Variants in PCDHA6 observed in about 807,000 individuals in gnomAD.
PCDHA6 encodes the protein protocadherin alpha 6, also known as protocadherin alpha-6.
PCDHA6 carries 55 observed loss-of-function variants against 60.3 expected under a neutral mutation model. That is an observed-to-expected ratio of 0.91 (90% confidence interval 0.73 to 1.14). The LOEUF is 1.14. Ranked by LOEUF, PCDHA6 falls within the 50% of genes most tolerant of loss-of-function variation. The pLI is 0.00. For synonymous variants in PCDHA6, 652 were observed against 557.9 expected (o/e 1.17, Z -2.38); for missense variants, 1,327 against 1,256.5 (o/e 1.06, Z -0.85).
At chr5:140,852,072 G>A in intron 1 of PCDHA6, 2 of 903,554 alleles carry the variant, frequency 2.2e-6, no homozygotes, top group Non-Finnish European at 2.7e-6. Context: ...TTCTCTTTCA[G>A]CTATTTTATT....
At chr5:140,861,759 C>T (rs2047064113) in intron 1 of PCDHA6, 1 of 93,332 alleles carries the variant, frequency 1.1e-5, no homozygotes, top group Non-Finnish European at 2.2e-5. Context: ...GATTATTTTT[C>T]CCTGGAAATA....
chr5:140,976,383 T>G (rs963492291), intron 1 of PCDHA6, among the ~76,000 whole-genome samples: 4 of 152,058 alleles, frequency 2.6e-5, no homozygotes, highest in African/African-American at 9.7e-5. Context: ...AAACCCCATC[T>G]CTACTAAAAA....
intron 3 of PCDHA6, among the ~76,000 whole-genome samples, chr5:140,989,801 G>A (rs1554251107): frequency 1.3e-5 from 2 of 152,184 alleles, no homozygotes; most frequent in Non-Finnish European, 1.5e-5. Context: ...CCCAGGAAAG[G>A]GCCATAAGAT....
Position 140,876,213 on chromosome 5 carries a change from T to G in PCDHA6, c.2394+45728T>G, listed in dbSNP as rs782372222. On this transcript the variant is annotated intron_variant, in intron 1 of 3. Transcript: ENST00000529310. ...GTCCGGCGTTTGATAAGCCCAGCTA[T>G]AAAGTAGTGTTGTCTGAAAATGTCC... The G allele has an allele frequency of 3.1e-6, 5 of 1,613,846 alleles. No individual in the cohort carries two copies. The East Asian group carries it at 1.1e-4, about 36-fold the overall frequency.
chr5:140,885,920 C>T (rs1554182299), intron 1 of PCDHA6, among the ~76,000 whole-genome samples: 1 of 151,998 alleles, frequency 6.6e-6, no homozygotes, highest in East Asian at 1.9e-4. Context: ...TAGATATTAA[C>T]TGTTTATCTA....
rs1193059751 is a variant in PCDHA6 at position 140,857,644 on chromosome 5, C to G, written c.2394+27159C>G. ...ACGAGGAGCTGGAGCTGCTACAGTT[C>G]CAGGTGAGCGCGCGCGATGGGGGCG... On this transcript the variant is annotated intron_variant, in intron 1 of 3. Coordinates refer to ENST00000529310, the MANE Select transcript of PCDHA6 (RefSeq NM_018909.4). 9 of 1,596,322 alleles carry G rather than the reference C, an allele frequency of 5.6e-6. 1 individual carries two copies. Among genetic ancestry groups the G allele is most frequent in the Non-Finnish European group, 7.7e-6 (9 of 1,167,662 alleles).
At chr5:140,882,050 T>TA (rs1260382802) in intron 1 of PCDHA6, 7 of 756,632 alleles carry the variant, frequency 9.3e-6, no homozygotes, top group African/African-American at 3.5e-5. Context: ...GAGTCATACT[T>TA]ACACTTACAC....
At position 140,848,972 on chromosome 5, in the gene PCDHA6, T is replaced by C. The variant is rs17844324; in HGVS notation, c.2394+18487T>C. ...GGTTTCCACTAGAGGGCGCGTCCGA[T>C]GCAGATATCGGGGAGAACGCCCTGC... On this transcript the variant is annotated intron_variant, in intron 1 of 3. Coordinates refer to ENST00000529310, the MANE Select transcript of PCDHA6 (RefSeq NM_018909.4). The C allele has an allele frequency of 2.8e-5, 45 of 1,601,076 alleles. 3 individuals are homozygous for C. In the East Asian group the frequency reaches 9.8e-4, roughly 35 times the overall value.
intron 1 of PCDHA6, chr5:140,836,334 G>C (rs1554135822): frequency 1.1e-5 from 17 of 1,613,642 alleles, no homozygotes; most frequent in Non-Finnish European, 1.4e-5. Flanking sequence ...TCTGGTGCTT[G>C]TGAAGGACCA....
chr5:140,873,624 A>G lies in PCDHA6; in HGVS notation c.2394+43139A>G, dbSNP rs562277902. On this transcript the variant is annotated intron_variant, in intron 1 of 3. Transcript: ENST00000529310. The stretch of plus-strand genomic sequence containing the variant: ...TTCCTATTGGCTTAACAATTTGTTT[A>G]GGTCAAAGAGTATGTGAGAACTACA... Among the ~76,000 whole-genome samples the G allele has an allele frequency of 2.6e-5, 4 of 152,192 alleles. No homozygotes were observed. In the South Asian group the frequency reaches 8.3e-4, roughly 32 times the overall value.
intron 3 of PCDHA6, among the ~76,000 whole-genome samples, chr5:141,005,079 T>TTAGTACTTTACA (rs1375552328): frequency 3.3e-5 from 5 of 152,356 alleles, no homozygotes; most frequent in Non-Finnish European, 7.3e-5. Flanking sequence ...AGGATCAAGC[T>TTAGTACTTTACA]TAGTACTTTA....
At chr5:140,838,432 A>G (rs1426566624) in intron 1 of PCDHA6, among the ~76,000 whole-genome samples, 2 of 151,466 alleles carry the variant, frequency 1.3e-5, no homozygotes, top group African/African-American at 4.9e-5. Flanking sequence ...CCTAAATTAT[A>G]TATTGGGTTT....
chr5:140,850,299 G>C (rs2150478562), intron 1 of PCDHA6: 2 of 1,596,610 alleles, frequency 1.3e-6, no homozygotes, highest in East Asian at 2.2e-5. Context: ...CGCCGACTCG[G>C]GCTACAACGC....
intron 1 of PCDHA6, chr5:140,850,349 G>T (rs1554144220): frequency 1.9e-6 from 3 of 1,597,844 alleles, no homozygotes; most frequent in Non-Finnish European, 2.6e-6. Flanking sequence ...CGGCCAGCGC[G>T]AGCATCCCGT....
At chr5:141,000,395 CTA>C (rs1190667031) in intron 3 of PCDHA6, among the ~76,000 whole-genome samples, 91 of 53,954 alleles carry the variant, frequency 1.7e-3, no homozygotes, top group Admixed American at 3.8e-3. Flanking sequence ...CTCTCTCTCT[CTA>C]TATATATATA....
intron 1 of PCDHA6, chr5:140,929,432 T>C: frequency 1.4e-6 from 2 of 1,474,372 alleles, no homozygotes; most frequent in Non-Finnish European, 1.8e-6. Flanking sequence ...TCAATTGAAC[T>C]AAACACTCCT....
chr5:140,918,929 A>G (rs2078930762), intron 1 of PCDHA6, among the ~76,000 whole-genome samples: 1 of 152,226 alleles, frequency 6.6e-6, no homozygotes, highest in Non-Finnish European at 1.5e-5. Context: ...AGCATATGGC[A>G]TTTTGTTATA....
chr5:140,960,428 A>T (rs1317168418), intron 1 of PCDHA6, among the ~76,000 whole-genome samples: 3 of 152,178 alleles, frequency 2.0e-5, no homozygotes, highest in Non-Finnish European at 4.4e-5. Context: ...CAATTACTTG[A>T]TACTCTAGAT....
intron 1 of PCDHA6, chr5:140,876,095 T>G (rs781801828): frequency 6.2e-7 from 1 of 1,613,928 alleles, no homozygotes; most frequent in Admixed American, 1.7e-5. Context: ...ACGCCAAAAC[T>G]CAATTTATTG....
Sources: gnomAD v4.1 joint callset for allele counts (sites outside exome capture counted in the v4.1 genomes callset) on GRCh38, gnomAD v4.1.1 for gene constraint, MANE v1.5 for transcripts, NCBI Gene and HGNC (gene_info 2026-07-23, HGNC 2026-07-21) for gene names.